The following FMN1 variants were observed in gnomAD, a reference collection of about 807,000 sequenced individuals.
FMN1 encodes formin-1.
FMN1 carries 110 observed loss-of-function variants against 132.4 expected under a neutral mutation model. The observed-to-expected ratio is 0.83, with a 90% CI of 0.71 to 0.97. The LOEUF is 0.97. Among genes scored for constraint, FMN1 ranks in the 50% least tolerant of loss-of-function variants. The probability of loss-of-function intolerance (pLI) is 0.00; values close to 1 mark genes in which losing one functional copy is unlikely to be tolerated. For synonymous variants in FMN1, 722 were observed against 651.7 expected (o/e 1.11, Z -1.64); for missense variants, 1,792 against 1,705.3 (o/e 1.05, Z -0.90).
intron 10 of FMN1, among the ~76,000 whole-genome samples, chr15:32,919,236 A>G (rs1182997233): frequency 6.6e-6 from 1 of 152,212 alleles, no homozygotes; most frequent in African/African-American, 2.4e-5. Flanking sequence ...AGTTGGCTTC[A>G]AAAGCCTCCT....
At chr15:32,903,935 G>A (rs892530507) in intron 12 of FMN1, among the ~76,000 whole-genome samples, 1 of 147,272 alleles carries the variant, frequency 6.8e-6, no homozygotes, top group African/African-American at 2.7e-5. Flanking sequence ...AAGAGTTGGA[G>A]GGGGGAGAAA....
At chr15:33,009,265 G>C (rs185516914) in intron 6 of FMN1, among the ~76,000 whole-genome samples, 4 of 152,298 alleles carry the variant, frequency 2.6e-5, no homozygotes, top group Admixed American at 2.6e-4. Flanking sequence ...GATTAAAGCA[G>C]TATACTTCTG....
At chr15:33,079,076 C>G (rs1343839737) in intron 5 of FMN1, among the ~76,000 whole-genome samples, 1 of 152,112 alleles carries the variant, frequency 6.6e-6, no homozygotes, top group Non-Finnish European at 1.5e-5. Flanking sequence ...AGAAAAATTC[C>G]TCATCATTTT....
chr15:33,123,772 CTTAG>C (rs1003311875), intron 4 of FMN1, among the ~76,000 whole-genome samples: 1 of 152,322 alleles, frequency 6.6e-6, no homozygotes, highest in Middle Eastern at 3.4e-3. Flanking sequence ...CGTAAAGTTT[CTTAG>C]TTAGAACTTC....
chr15:33,118,640 T>C (rs925779735), intron 4 of FMN1, among the ~76,000 whole-genome samples: 5 of 152,086 alleles, frequency 3.3e-5, no homozygotes, highest in African/African-American at 1.2e-4. Flanking sequence ...TCCTCTCACA[T>C]CCTAATAATG....
intron 17 of FMN1, among the ~76,000 whole-genome samples, chr15:32,848,266 GC>G (rs951854245): frequency 1.2e-4 from 19 of 152,214 alleles, no homozygotes; most frequent in African/African-American, 4.6e-4. Flanking sequence ...GGAAGCATGA[GC>G]AAAATAAGTG....
chr15:32,908,270 G>A (rs73370865), intron 12 of FMN1: 3 of 472,176 alleles, frequency 6.4e-6, no homozygotes, highest in Non-Finnish European at 1.1e-5. Flanking sequence ...CTCTTGGGGT[G>A]GGGGAGGGGG....
At chr15:32,994,814 A>G (rs1596422829) in intron 7 of FMN1, among the ~76,000 whole-genome samples, 1 of 152,238 alleles carries the variant, frequency 6.6e-6, no homozygotes, top group African/African-American at 2.4e-5. Context: ...ACCTATTTAC[A>G]GCCATAAACA....
At chr15:32,965,060 A>C (rs1198235397) in intron 8 of FMN1, among the ~76,000 whole-genome samples, 4 of 152,166 alleles carry the variant, frequency 2.6e-5, no homozygotes, top group Non-Finnish European at 5.9e-5. Flanking sequence ...CAGTCAGAAC[A>C]CATCTCCCAA....
intron 19 of FMN1, among the ~76,000 whole-genome samples, chr15:32,789,492 A>C (rs1467464219): frequency 3.3e-5 from 5 of 152,236 alleles, no homozygotes; most frequent in Non-Finnish European, 7.3e-5. Flanking sequence ...ATTTCGGTCA[A>C]AGACAGACCT....
intron 4 of FMN1, among the ~76,000 whole-genome samples, chr15:33,096,681 C>CCTTGA (rs2039097548): frequency 6.6e-6 from 1 of 151,936 alleles, no homozygotes; most frequent in African/African-American, 2.4e-5. Flanking sequence ...ATCACTGCAG[C>CCTTGA]CTTGACCTCC....
rs565590246 is a variant in FMN1, at chr15:33,165,551, C to T, written c.-131-10506G>A. Among the ~76,000 whole-genome samples, 13 of 152,180 alleles carry T rather than the reference C, an allele frequency of 8.5e-5. No individual in the cohort carries two copies. The South Asian group carries it at 2.3e-3, about 27-fold the overall frequency. On this transcript the variant is annotated intron_variant, in intron 3 of 20. Transcript: ENST00000616417. ...GAATACAGGCGCCCGCCACCACGCCCGGCTAATTTTTTTGTATTTTTAGTA... is the reference window on the plus strand; with the variant it reads ...GAATACAGGCGCCCGCCACCACGCCTGGCTAATTTTTTTGTATTTTTAGTA...
chr15:32,972,242 C>G (rs2031854416), intron 7 of FMN1, among the ~76,000 whole-genome samples: 1 of 152,210 alleles, frequency 6.6e-6, no homozygotes. Context: ...TCTGGGTACG[C>G]TTCCCAGCCC....
chr15:33,006,190 G>A (rs976892273), intron 7 of FMN1, among the ~76,000 whole-genome samples: 3 of 152,076 alleles, frequency 2.0e-5, no homozygotes, highest in African/African-American at 4.8e-5. Flanking sequence ...GGAATTCAAA[G>A]GCAAGAAAAC....
chr15:32,853,738 GA>G (rs1270022653), intron 17 of FMN1, among the ~76,000 whole-genome samples: 1 of 152,186 alleles, frequency 6.6e-6, no homozygotes, highest in East Asian at 1.9e-4. Flanking sequence ...ATACATTTCA[GA>G]AATGTAGAGG....
At chr15:32,779,165 G>C (rs1348547090) in intron 19 of FMN1, among the ~76,000 whole-genome samples, 1 of 152,140 alleles carries the variant, frequency 6.6e-6, no homozygotes, top group Non-Finnish European at 1.5e-5. Flanking sequence ...GGAAAATGGG[G>C]AGTTATTGCT....
At chr15:33,187,954 T>G (rs77089799) in intron 2 of FMN1, among the ~76,000 whole-genome samples, 4,169 of 152,316 alleles carry the variant, frequency 0.027, 191 homozygotes, top group African/African-American at 0.096. Context: ...TCTGCTTCCT[T>G]GCTCTCTGTG....
At chr15:32,857,606 C>G (rs116208747) in intron 16 of FMN1, among the ~76,000 whole-genome samples, 1,971 of 152,232 alleles carry the variant, frequency 0.013, 44 homozygotes, top group African/African-American at 0.045. Context: ...AACATGAGAA[C>G]TAAGACCAGG....
intron 4 of FMN1, among the ~76,000 whole-genome samples, chr15:33,103,672 A>G (rs1178401294): frequency 1.3e-5 from 2 of 152,100 alleles, no homozygotes; most frequent in African/African-American, 4.8e-5. Context: ...CAAAAACCCT[A>G]ATCCACCAAA....
Sources: gnomAD v4.1 joint callset for allele counts (sites outside exome capture counted in the v4.1 genomes callset) on GRCh38, gnomAD v4.1.1 for gene constraint, MANE v1.5 for transcripts, NCBI Gene and HGNC (gene_info 2026-07-23, HGNC 2026-07-21) for gene names.